The following CNTNAP2 variants were observed in gnomAD, a reference collection of about 807,000 sequenced individuals.
The protein encoded by CNTNAP2 is contactin associated protein 2.
In CNTNAP2, 98 loss-of-function variants were observed where a neutral mutation model predicts 155.2. That is an observed-to-expected ratio of 0.63 (90% confidence interval 0.54 to 0.75). CNTNAP2 has a LOEUF of 0.75. Ranked by LOEUF, CNTNAP2 falls within the 30% of genes least tolerant of loss-of-function variation. The pLI is 0.00. For missense variants in CNTNAP2, 1,727 were observed against 1,688.1 expected, an observed-to-expected ratio of 1.02 and a Z score of -0.40; for synonymous variants, 651 against 631.2, an observed-to-expected ratio of 1.03 and a Z score of -0.47.
At chr7:147,634,745 A>G (rs2116916042) in intron 12 of CNTNAP2, among the ~76,000 whole-genome samples, 1 of 152,326 alleles carries the variant, frequency 6.6e-6, no homozygotes, top group South Asian at 2.1e-4. Context: ...AGAATAGTAT[A>G]TCAATAAATA....
chr7:148,217,564 G>T (rs747724092), intron 19 of CNTNAP2, 40 bp downstream of exon 19: 7 of 1,583,170 alleles, frequency 4.4e-6, no homozygotes, highest in Non-Finnish European at 6.1e-6. Context: ...TTTAACATTT[G>T]GGCAGACAGA....
chr7:147,498,171 TAAAAAAAA>T (rs58638014), intron 11 of CNTNAP2, among the ~76,000 whole-genome samples: 42,073 of 130,446 alleles, frequency 0.32, 5,976 homozygotes, highest in East Asian at 0.45. Context: ...CAAGCTATGA[TAAAAAAAA>T]AAAAAAAAAA....
intron 20 of CNTNAP2, among the ~76,000 whole-genome samples, chr7:148,247,617 C>CTATT (rs1222883193): frequency 4.8e-5 from 7 of 146,778 alleles, no homozygotes; most frequent in African/African-American, 1.8e-4. Flanking sequence ...CTCTCTCTCT[C>CTATT]TCTCTCTCTA....
rs546166303 is a variant in CNTNAP2 at position 147,743,422 on chromosome 7, G to A, written c.2098+104116G>A. Among the ~76,000 whole-genome samples, 15 of 152,288 alleles carry A rather than the reference G, an allele frequency of 9.8e-5. No individual in the cohort carries two copies. The Middle Eastern group carries it at 0.01, about 104-fold the overall frequency. Reference sequence around the variant, plus strand: ...TGGAAGGCAGGGATTAGGTGAGGCTGTAAAACCGGATGCCCCAAAGCAAAT... The same window carrying A: ...TGGAAGGCAGGGATTAGGTGAGGCTATAAAACCGGATGCCCCAAAGCAAAT... On this transcript the variant is annotated intron_variant, in intron 13 of 23. Coordinates refer to ENST00000361727, the MANE Select transcript of CNTNAP2 (RefSeq NM_014141.6).
At chr7:147,387,529 C>A (rs1020796445) in intron 9 of CNTNAP2, among the ~76,000 whole-genome samples, 3 of 152,048 alleles carry the variant, frequency 2.0e-5, no homozygotes, top group African/African-American at 7.2e-5. Context: ...AAGGTATCTG[C>A]CTGGTTTCTC....
intron 3 of CNTNAP2, among the ~76,000 whole-genome samples, chr7:146,860,155 G>T (rs751150780): frequency 3.9e-5 from 6 of 152,146 alleles, no homozygotes; most frequent in Non-Finnish European, 8.8e-5. Flanking sequence ...ATGAGTAATG[G>T]ATATATATAG....
chr7:147,842,358 G>C (rs912600986), intron 13 of CNTNAP2, among the ~76,000 whole-genome samples: 31 of 152,124 alleles, frequency 2.0e-4, no homozygotes, highest in Non-Finnish European at 4.3e-4. Context: ...AGATAGTACA[G>C]CCAGTTCTGT....
At chr7:148,328,124 CTAT>C (rs1454691719) in intron 21 of CNTNAP2, among the ~76,000 whole-genome samples, 2 of 152,150 alleles carry the variant, frequency 1.3e-5, no homozygotes, top group African/African-American at 4.8e-5. Context: ...CACGCAGAGG[CTAT>C]TTATTCAGAG....
At chr7:146,956,788 A>G (rs984586686) in intron 3 of CNTNAP2, among the ~76,000 whole-genome samples, 8 of 152,154 alleles carry the variant, frequency 5.3e-5, no homozygotes, top group Non-Finnish European at 1.0e-4. Flanking sequence ...TTGTGTTTTG[A>G]GTAAATATAA....
chr7:148,018,770 G>C (rs1802226985), intron 15 of CNTNAP2, among the ~76,000 whole-genome samples: 1 of 152,218 alleles, frequency 6.6e-6, no homozygotes, highest in Non-Finnish European at 1.5e-5. Flanking sequence ...GGCACAAACA[G>C]AGTTTGACTC....
intron 3 of CNTNAP2, among the ~76,000 whole-genome samples, chr7:146,991,086 G>T (rs535559944): frequency 2.6e-5 from 4 of 151,880 alleles, no homozygotes; most frequent in Non-Finnish European, 4.4e-5. Context: ...CATAAATAAG[G>T]TTTAAAAAAC....
intron 1 of CNTNAP2, among the ~76,000 whole-genome samples, chr7:146,283,959 G>A (rs1489434903): frequency 1.3e-5 from 2 of 151,938 alleles, no homozygotes; most frequent in Admixed American, 1.3e-4. Context: ...AAAATGACAG[G>A]GTTGTTATTT....
chr7:147,570,716 A>G (rs1219875892), intron 12 of CNTNAP2, among the ~76,000 whole-genome samples: 1 of 152,180 alleles, frequency 6.6e-6, no homozygotes, highest in Non-Finnish European at 1.5e-5. Flanking sequence ...ATGAAACTAG[A>G]GCTCAGAGAA....
intron 8 of CNTNAP2, among the ~76,000 whole-genome samples, chr7:147,204,115 T>A (rs976666144): frequency 6.6e-6 from 1 of 151,988 alleles, no homozygotes; most frequent in Non-Finnish European, 1.5e-5. Context: ...GAAGACAAAT[T>A]GATTCTATAG....
chr7:148,077,409 AGCAAATCCTAATTTTTATGAAT>A, intron 15 of CNTNAP2, among the ~76,000 whole-genome samples: 1 of 152,160 alleles, frequency 6.6e-6, no homozygotes, highest in South Asian at 2.1e-4. Flanking sequence ...GGTTCTGAAA[AGCAAATCCTAATTTTTATGAAT>A]GATAATTTCT....
intron 8 of CNTNAP2, among the ~76,000 whole-genome samples, chr7:147,153,685 G>A (rs1340057256): frequency 6.6e-6 from 1 of 152,168 alleles, no homozygotes; most frequent in African/African-American, 2.4e-5. Flanking sequence ...AACAGCGCAT[G>A]TAAGGCTGAG....
At chr7:146,991,655 A>C (rs2129238916) in intron 3 of CNTNAP2, among the ~76,000 whole-genome samples, 1 of 152,264 alleles carries the variant, frequency 6.6e-6, no homozygotes, top group South Asian at 2.1e-4. Flanking sequence ...TGACTTAGCT[A>C]AGCTGGTTTT....
intron 1 of CNTNAP2, among the ~76,000 whole-genome samples, chr7:146,141,478 A>G (rs557923398): frequency 5.8e-4 from 89 of 152,264 alleles, no homozygotes; most frequent in African/African-American, 2.0e-3. Context: ...AGCTAGGTTG[A>G]TGGTGAAACA....
chr7:146,536,453 T>G (rs987761760), intron 1 of CNTNAP2, among the ~76,000 whole-genome samples: 14 of 151,982 alleles, frequency 9.2e-5, no homozygotes, highest in Middle Eastern at 3.4e-3. Context: ...TGGGCAGGCT[T>G]TTCTCTACAT....
Sources: allele counts gnomAD v4.1 joint callset (sites outside exome capture counted in the v4.1 genomes callset), GRCh38; gene constraint gnomAD v4.1.1; transcripts MANE v1.5; gene names NCBI Gene and HGNC (gene_info 2026-07-23, HGNC 2026-07-21).